Variants in CFAP410 observed in about 807,000 individuals in gnomAD.
The protein encoded by CFAP410 is cilia and flagella associated protein 410.
A neutral mutation model predicts 25.7 loss-of-function variants in CFAP410; 27 were observed. The ratio of observed to expected loss-of-function variants is 1.05; its 90% confidence interval spans 0.77 to 1.45. CFAP410 has a LOEUF of 1.45. Among genes scored for constraint, CFAP410 ranks in the 40% most tolerant of loss-of-function variants. CFAP410 has a pLI of 0.00. For synonymous variants in CFAP410, 178 were observed against 158.4 expected, an observed-to-expected ratio of 1.12 and a Z score of -0.93; for missense variants, 428 against 354.1, an observed-to-expected ratio of 1.21 and a Z score of -1.67.
chr21:44,330,108 T>C lies in CFAP410; in HGVS notation c.*90A>G. On this transcript the variant is annotated 3_prime_UTR_variant, in exon 7 of 7. Coordinates refer to ENST00000339818, the MANE Select transcript of CFAP410 (RefSeq NM_004928.3). ...GGAGGCTTTTGTGTGGGGCCGGGGC[T>C]GCGGCCATGGCAGCCACCCTCCAGC... 3 of 1,413,720 alleles carry C rather than the reference T, an allele frequency of 2.1e-6. No individual in the cohort carries two copies. Among genetic ancestry groups the C allele is most frequent in the South Asian group, 2.6e-5 (2 of 76,936 alleles). The allele number at this position is 1,413,720 out of a possible 1,614,324, so 87.6% of individuals were successfully genotyped here. A position where few individuals can be genotyped will look rare whatever the true frequency, so the allele number is the denominator to read the frequency against.
intron 6 of CFAP410, 189 bp downstream of exon 6, chr21:44,330,634 T>TA (rs1317526143): frequency 1.3e-6 from 2 of 1,548,948 alleles, no homozygotes; most frequent in South Asian, 2.4e-5. Flanking sequence ...GGGCACGTGT[T>TA]ACACGTGTGT....
chr21:44,330,465 G>A, intron 6 of CFAP410, 139 bp from the exon 7 acceptor site: 3 of 1,530,252 alleles, frequency 2.0e-6, no homozygotes, highest in Non-Finnish European at 8.8e-7. Flanking sequence ...TGACTGACCG[G>A]CACACTCGGA....
rs1265927272 is a variant in CFAP410 at position 44,331,949 on chromosome 21, T to G, written c.439A>C (p.Arg147=). ...GGGCCGCCGTGGCCTGTGCCCTCTCTCTCTGGGGCCGCAGTGATCTCCTCT... is the reference window on the plus strand; with the variant it reads ...GGGCCGCCGTGGCCTGTGCCCTCTCGCTCTGGGGCCGCAGTGATCTCCTCT... ...EGEEITAAPE[R]EGTGHGGPKL... The change falls in exon 5 of 7, where the codon AGA becomes CGA. Residue 147 remains arginine, a synonymous_variant. Coordinates refer to ENST00000339818, the MANE Select transcript of CFAP410 (RefSeq NM_004928.3). 6.2e-7 allele frequency: 1 copy of G among 1,613,472 alleles called. No individual in the cohort carries two copies. Among genetic ancestry groups the G allele is most frequent in the Admixed American group, 1.7e-5 (1 of 59,974 alleles).
At chr21:44,338,325 G>A (rs1199952936) in intron 1 of CFAP410, 1 of 1,289,050 alleles carries the variant, frequency 7.8e-7, no homozygotes, top group Admixed American at 2.3e-5. Context: ...GACACGGCGC[G>A]GTCACTCTGC....
chr21:44,331,002 T>G (rs2047638074), intron 5 of CFAP410, 83 bp from the exon 6 acceptor site: 4 of 1,273,614 alleles, frequency 3.1e-6, no homozygotes, highest in Non-Finnish European at 4.3e-6. Flanking sequence ...GCGGGTCGCA[T>G]CCAAGCAAAG....
chr21:44,331,016 G>T, intron 5 of CFAP410, 97 bp from the exon 6 acceptor site: 2 of 1,136,976 alleles, frequency 1.8e-6, no homozygotes, highest in Non-Finnish European at 2.5e-6. Context: ...AGCAAAGGAG[G>T]GGCTCATACA....
At chr21:44,331,714 C>G in intron 5 of CFAP410, 129 bp downstream of exon 5, 1 of 842,660 alleles carries the variant, frequency 1.2e-6, no homozygotes. Flanking sequence ...AGAACAGACA[C>G]TCCCCCCGGA....
chr21:44,331,151 G>C (rs890757848), intron 5 of CFAP410: 1 of 579,572 alleles, frequency 1.7e-6, no homozygotes, highest in Admixed American at 3.1e-5. Flanking sequence ...CGGCACCCTG[G>C]GGCTCCCCAG....
At chr21:44,338,161 G>A (rs531007110) in intron 1 of CFAP410, 2 of 700,216 alleles carry the variant, frequency 2.9e-6, no homozygotes, top group Admixed American at 4.1e-5. Flanking sequence ...CAAATGACAC[G>A]GGAATTGTAG....
chr21:44,332,908 A>C, intron 4 of CFAP410, 125 bp downstream of exon 4: 1 of 689,464 alleles, frequency 1.5e-6, no homozygotes, highest in Non-Finnish European at 2.5e-6. Flanking sequence ...AGGAGACTTC[A>C]CAGGACACAT....
chr21:44,338,140 A>G (rs1031316451), intron 1 of CFAP410: 3 of 528,450 alleles, frequency 5.7e-6, no homozygotes, highest in Non-Finnish European at 8.6e-6. Context: ...AAAGAAATGC[A>G]TTATTGAAAG....
At chr21:44,334,511 A>C (rs1602083529) in intron 3 of CFAP410, 39 of 99,646 alleles carry the variant, frequency 3.9e-4, no homozygotes, top group Admixed American at 7.2e-4. Flanking sequence ...CTGGGCGGGC[A>C]CGCGCACCCC....
rs2070573 is a variant in CFAP410 at position 44,330,463 on chromosome 21, C to A, written c.643-137G>T. ...GGTGTGGGCCGTCCAAGTGACTGACCGGCACACTCGGAGAATCTGAGCAGA... is the reference window on the plus strand; with the variant it reads ...GGTGTGGGCCGTCCAAGTGACTGACAGGCACACTCGGAGAATCTGAGCAGA... On this transcript the variant is annotated intron_variant, in intron 6 of 6. Transcript: ENST00000339818. 325,330 of 1,529,410 alleles carry A rather than the reference C, an allele frequency of 0.21. 35,996 individuals are homozygous for A. The highest frequency in any genetic ancestry group is 0.37 in the East Asian group (15,429 of 41,250). 94.7% of individuals were successfully genotyped at this position (1,529,410 alleles called of 1,614,324 possible).
chr21:44,330,226 C>A lies in CFAP410; in HGVS notation c.743G>T (p.Gly248Val). 3 of 1,582,810 alleles carry A rather than the reference C, an allele frequency of 1.9e-6. No individual in the cohort carries two copies. In the African/African-American group the frequency reaches 4.0e-5, roughly 21 times the overall value. The change falls in exon 7 of 7, where the codon GGG becomes GTG. Residue 248 changes from glycine (G) to valine (V), a missense_variant. Transcript: ENST00000339818. ...TVGSRLQALR[G>V]EEVQEHAE ...CTCGGCGTGCTCCTGCACCTCTTCCCCACGCAGGGCCTGCAGCCGGCTGCC... is the reference window on the plus strand; with the variant it reads ...CTCGGCGTGCTCCTGCACCTCTTCCACACGCAGGGCCTGCAGCCGGCTGCC...
rs573147862 is a variant in CFAP410 at position 44,337,250 on chromosome 21, G to A, written c.96+399C>T. Among the ~76,000 whole-genome samples the A allele has an allele frequency of 3.1e-3, 479 of 152,250 alleles. 1 individual carries two copies. The highest frequency in any genetic ancestry group is 5.0e-3 in the Non-Finnish European group (337 of 68,024). ...ATTCTCTGCCTGCCTTTGGGGCAGC[G>A]GCAAGGGGGTACAAGGCTAGATGTG... On this transcript the variant is annotated intron_variant, in intron 2 of 6. Coordinates refer to ENST00000339818, the MANE Select transcript of CFAP410 (RefSeq NM_004928.3).
chr21:44,332,140 C>T, intron 4 of CFAP410, 126 bp from the exon 5 acceptor site: 1 of 734,632 alleles, frequency 1.4e-6, no homozygotes, highest in South Asian at 2.0e-5. Flanking sequence ...CACGTGTATC[C>T]ACCTCCAGGG....
Position 44,334,518 on chromosome 21 carries a change from C to CCCCCCCTCAACCTCTGGGCGGGCACGCG in CFAP410, c.143+1239_143+1240insCGCGTGCCCGCCCAGAGGTTGAGGGGGG. The CCCCCCCTCAACCTCTGGGCGGGCACGCG allele has an allele frequency of 1.2e-3, 146 of 125,944 alleles. 59 individuals carry two copies. Among genetic ancestry groups the CCCCCCCTCAACCTCTGGGCGGGCACGCG allele is most frequent in the South Asian group, 2.5e-3 (47 of 18,994 alleles). The allele number at this position is 125,944 out of a possible 1,614,324, so 7.8% of individuals were successfully genotyped here. ...CTCAACCTCTGGGCGGGCACGCGCA[C>CCCCCCCTCAACCTCTGGGCGGGCACGCG]CCCCCCCCCCCCCCCGCTCAACCTC... On this transcript the variant is annotated intron_variant, in intron 3 of 6. Coordinates refer to ENST00000339818, the MANE Select transcript of CFAP410 (RefSeq NM_004928.3).
intron 2 of CFAP410, chr21:44,336,921 C>T (rs1179455110): frequency 1.3e-5 from 2 of 151,818 alleles, no homozygotes; most frequent in Non-Finnish European, 2.9e-5. Context: ...TCCATCTCTA[C>T]TAAAAAGTAC....
chr21:44,339,071 G>A, intron 1 of CFAP410, 47 bp downstream of exon 1: 1 of 1,129,102 alleles, frequency 8.9e-7, no homozygotes, highest in African/African-American at 1.7e-5. Context: ...GCCCCGCCCC[G>A]GCTCCTCCCC....
Sources: allele counts gnomAD v4.1 joint callset (sites outside exome capture counted in the v4.1 genomes callset), GRCh38; gene constraint gnomAD v4.1.1; transcripts MANE v1.5; gene names NCBI Gene and HGNC (gene_info 2026-07-23, HGNC 2026-07-21).